The following DGKB variants were observed in gnomAD, a reference collection of about 807,000 sequenced individuals.
DGKB encodes the protein 90 kDa diacylglycerol kinase.
A neutral mutation model predicts 114.3 loss-of-function variants in DGKB; 67 were observed. That is an observed-to-expected ratio of 0.59 (90% CI 0.48 to 0.72). The LOEUF (loss-of-function observed/expected upper bound fraction) is 0.72, where lower values mean the gene tolerates loss of function less well. DGKB is among the 30% of genes least tolerant of loss of function. The pLI is 0.00. For synonymous variants in DGKB, 398 were observed against 323.1 expected, an observed-to-expected ratio of 1.23 and a Z score of -2.49; for missense variants, 907 against 975.2, an observed-to-expected ratio of 0.93 and a Z score of 0.93.
chr7:14,249,358 A>C (rs1794908838), intron 23 of DGKB, among the ~76,000 whole-genome samples: 1 of 152,122 alleles, frequency 6.6e-6, no homozygotes, highest in African/African-American at 2.4e-5. Flanking sequence ...TGGCCTTGCA[A>C]AATTAGTCGG....
At chr7:14,201,877 ACAAT>A (rs1242183401) in intron 23 of DGKB, among the ~76,000 whole-genome samples, 10 of 152,008 alleles carry the variant, frequency 6.6e-5, no homozygotes, top group Non-Finnish European at 4.4e-5. Context: ...CACAGAGCAG[ACAAT>A]CAATAAGCAT....
At position 14,610,505 on chromosome 7, in the gene DGKB, GA is replaced by G. The variant is rs1259407125; in HGVS notation, c.1358+2834del. ...ACCTCCTGTATCTAAAGTAAAAGTT[GA>G]AATTAAAAAGATTTTTTTAAAGTTA... On this transcript the variant is annotated intron_variant, in intron 16 of 25. Coordinates refer to ENST00000402815, the MANE Select transcript of DGKB (RefSeq NM_001350709.2). Among the ~76,000 whole-genome samples the G allele has an allele frequency of 2.6e-5, 4 of 151,904 alleles. No individual in the cohort carries two copies. The East Asian group carries it at 7.7e-4, about 29-fold the overall frequency.
At chr7:14,232,292 G>A (rs1792001807) in intron 23 of DGKB, among the ~76,000 whole-genome samples, 1 of 150,618 alleles carries the variant, frequency 6.6e-6, no homozygotes, top group Non-Finnish European at 1.5e-5. Context: ...ATATTTTGGT[G>A]TTTTAGAATC....
chr7:14,688,057 C>T (rs1412148139), intron 9 of DGKB, among the ~76,000 whole-genome samples: 1 of 152,128 alleles, frequency 6.6e-6, no homozygotes, highest in Non-Finnish European at 1.5e-5. Flanking sequence ...AAATTGAAAC[C>T]AGGAGCCAAT....
intron 17 of DGKB, among the ~76,000 whole-genome samples, chr7:14,606,852 T>C (rs1416070551): frequency 6.6e-6 from 1 of 152,102 alleles, no homozygotes; most frequent in Non-Finnish European, 1.5e-5. Flanking sequence ...GTGATATTGA[T>C]TAGATTTGGT....
chr7:14,216,187 A>G (rs986547387), intron 23 of DGKB, among the ~76,000 whole-genome samples: 7 of 152,172 alleles, frequency 4.6e-5, no homozygotes, highest in African/African-American at 1.7e-4. Context: ...CAAGAAGAAG[A>G]AATAATTTAA....
At chr7:14,868,100 G>A (rs892267130) in intron 1 of DGKB, among the ~76,000 whole-genome samples, 3 of 152,098 alleles carry the variant, frequency 2.0e-5, no homozygotes, top group Non-Finnish European at 4.4e-5. Context: ...ATCAACATAT[G>A]TCCATGTAAC....
intron 23 of DGKB, among the ~76,000 whole-genome samples, chr7:14,313,660 A>C (rs1321484351): frequency 1.3e-5 from 2 of 152,084 alleles, no homozygotes; most frequent in African/African-American, 4.8e-5. Context: ...GATTGCTAGC[A>C]CAGCAGTCTG....
chr7:14,573,041 G>A (rs1224431300), intron 20 of DGKB, among the ~76,000 whole-genome samples: 3 of 152,090 alleles, frequency 2.0e-5, no homozygotes, highest in Non-Finnish European at 4.4e-5. Context: ...TAATAAAAAT[G>A]TTCTAAAATT....
At chr7:14,963,684 G>C (rs1786991313) in intron 1 of DGKB, among the ~76,000 whole-genome samples, 1 of 152,170 alleles carries the variant, frequency 6.6e-6, no homozygotes, top group Admixed American at 6.6e-5. Context: ...GGGAGTGATG[G>C]AGAAAGATTT....
chr7:14,381,508 G>T (rs1041433905), intron 21 of DGKB, among the ~76,000 whole-genome samples: 1 of 152,150 alleles, frequency 6.6e-6, no homozygotes, highest in African/African-American at 2.4e-5. Flanking sequence ...GACATTACAG[G>T]AGTAGAGTGA....
At chr7:14,313,363 G>C (rs571897625) in intron 23 of DGKB, among the ~76,000 whole-genome samples, 2 of 152,018 alleles carry the variant, frequency 1.3e-5, no homozygotes, top group East Asian at 1.9e-4. Flanking sequence ...CTGAGGTACC[G>C]GGTTCATCTC....
intron 21 of DGKB, among the ~76,000 whole-genome samples, chr7:14,469,643 C>T (rs1418149973): frequency 6.6e-6 from 1 of 151,864 alleles, no homozygotes; most frequent in Non-Finnish European, 1.5e-5. Context: ...GAATTGAAAC[C>T]CCCTGCATGA....
At chr7:14,342,726 T>C (rs554537028) in intron 22 of DGKB, among the ~76,000 whole-genome samples, 3 of 152,016 alleles carry the variant, frequency 2.0e-5, no homozygotes, top group South Asian at 4.1e-4. Flanking sequence ...TCAAATAATA[T>C]ATGTGCATTG....
At chr7:14,939,216 T>C (rs942889450) in intron 1 of DGKB, among the ~76,000 whole-genome samples, 1 of 152,222 alleles carries the variant, frequency 6.6e-6, no homozygotes, top group African/African-American at 2.4e-5. Context: ...TACATAAAAA[T>C]GAATTTCTTA....
intron 18 of DGKB, among the ~76,000 whole-genome samples, chr7:14,582,248 A>G (rs932670392): frequency 3.9e-4 from 60 of 152,328 alleles, no homozygotes; most frequent in Middle Eastern, 3.4e-3. Flanking sequence ...ATAAAGGCCA[A>G]TTCATGGTCT....
At chr7:14,913,216 G>A (rs1274246631) in intron 1 of DGKB, among the ~76,000 whole-genome samples, 1 of 151,674 alleles carries the variant, frequency 6.6e-6, no homozygotes, top group East Asian at 1.9e-4. Context: ...GCTTTGTTTG[G>A]CACACAGTAA....
intron 23 of DGKB, among the ~76,000 whole-genome samples, chr7:14,298,450 T>C (rs1043709470): frequency 6.6e-6 from 1 of 152,110 alleles, no homozygotes; most frequent in Non-Finnish European, 1.5e-5. Flanking sequence ...AAACAAGCAA[T>C]GGGGAAAGGA....
chr7:14,837,405 T>G (rs773767991), intron 2 of DGKB, among the ~76,000 whole-genome samples: 4 of 152,204 alleles, frequency 2.6e-5, no homozygotes, highest in Non-Finnish European at 5.9e-5. Context: ...GATTTGGTTT[T>G]GCTGGAATTG....
Sources: allele counts gnomAD v4.1 joint callset (sites outside exome capture counted in the v4.1 genomes callset), GRCh38; gene constraint gnomAD v4.1.1; transcripts MANE v1.5; gene names NCBI Gene and HGNC (gene_info 2026-07-23, HGNC 2026-07-21).